Variants in SEH1L observed in about 807,000 individuals in gnomAD.
The protein encoded by SEH1L is SEH1 like nucleoporin.
A neutral mutation model predicts 49.5 loss-of-function variants in SEH1L; 18 were observed. The observed-to-expected ratio is 0.36, with a 90% CI of 0.25 to 0.54. The LOEUF (loss-of-function observed/expected upper bound fraction) is 0.54, where lower values mean the gene tolerates loss of function less well. SEH1L is among the 20% of genes least tolerant of loss of function. The pLI is 0.87. For synonymous variants in SEH1L, 169 were observed against 178.1 expected (o/e 0.95, Z 0.41); for missense variants, 404 against 528.8 (o/e 0.76, Z 2.31).
intron 6 of SEH1L, among the ~76,000 whole-genome samples, chr18:12,981,320 G>A (rs1404898837): frequency 2.6e-5 from 4 of 152,310 alleles, no homozygotes; most frequent in African/African-American, 7.2e-5. Flanking sequence ...GGCAGAGGCT[G>A]CAATCTCGGC....
intron 6 of SEH1L, 63 bp from the exon 7 acceptor site, chr18:12,982,455 G>A (rs1031693288): frequency 1.6e-5 from 18 of 1,137,570 alleles, no homozygotes; most frequent in Non-Finnish European, 2.3e-5. Flanking sequence ...ATATATGTGT[G>A]TGTATATATA....
chr18:12,980,092 C>A (rs1410574504), intron 6 of SEH1L, among the ~76,000 whole-genome samples: 22 of 121,288 alleles, frequency 1.8e-4, no homozygotes, highest in Non-Finnish European at 3.7e-4. Context: ...CTGACCCCCC[C>A]CCACCTCCCT....
intron 3 of SEH1L, among the ~76,000 whole-genome samples, chr18:12,956,444 T>C (rs953034235): frequency 1.8e-5 from 2 of 108,636 alleles, no homozygotes; most frequent in Non-Finnish European, 3.6e-5. Context: ...CCACTGTGTG[T>C]CTGGGGAATC....
chr18:12,960,441 G>T (rs1300054812), intron 3 of SEH1L, among the ~76,000 whole-genome samples: 1 of 152,182 alleles, frequency 6.6e-6, no homozygotes, highest in African/African-American at 2.4e-5. Flanking sequence ...TATATATGGA[G>T]GATTGCATTC....
In SEH1L at chr18:12,981,226, A is replaced by G. The variant is rs1268743358; in HGVS notation, c.762-1292A>G. ...ACGCTCCTCACTTTCCAGACTGGGC[A>G]GCCAGGCAGAGAGGCTCCTCACATC... On this transcript the variant is annotated intron_variant, in intron 6 of 8. Coordinates refer to ENST00000399892, the MANE Select transcript of SEH1L (RefSeq NM_001013437.2). Among the ~76,000 whole-genome samples, 12 of 148,968 alleles carry G rather than the reference A, an allele frequency of 8.1e-5. No homozygotes were observed. In the East Asian group the frequency reaches 2.4e-3, roughly 30 times the overall value.
chr18:12,981,492 A>G (rs2032258272), intron 6 of SEH1L, among the ~76,000 whole-genome samples: 1 of 152,262 alleles, frequency 6.6e-6, no homozygotes, highest in Non-Finnish European at 1.5e-5. Context: ...ACTCGCGGTT[A>G]GGAGCTGGAG....
chr18:12,985,478 G>A (rs1256266801), intron 8 of SEH1L: 16 of 1,267,030 alleles, frequency 1.3e-5, no homozygotes, highest in African/African-American at 4.6e-5. Flanking sequence ...AAATATAAAC[G>A]GAGAGGCTTT....
chr18:12,982,778 G>A, intron 7 of SEH1L, 103 bp downstream of exon 7: 1 of 886,708 alleles, frequency 1.1e-6, no homozygotes, highest in Non-Finnish European at 1.7e-6. Flanking sequence ...GTCTTTTACA[G>A]TTACTTTTAA....
chr18:12,987,313 A>T lies in SEH1L; in HGVS notation c.*256A>T, dbSNP rs1247381237. 3 of 282,184 alleles carry T rather than the reference A, an allele frequency of 1.1e-5. No homozygotes were observed. The allele number at this position is 282,184 out of a possible 1,614,324, so 17.5% of individuals were successfully genotyped here. ...TAACGTTAACTGTGAAGTTACACAC[A>T]GTAGCTGACTTCAAAGTGCCTGTTC... On this transcript the variant is annotated 3_prime_UTR_variant, in exon 9 of 9. Transcript: ENST00000399892.
rs35999381 is a variant in SEH1L, at chr18:12,963,147, ATT to A, written c.310-4_310-3del. ...TTTGTATATAATTTAAATTGTTATT[ATT>A]TTTTTTTTAGGTTAAAAGGACAACT... On this transcript the variant is annotated splice_polypyrimidine_tract_variant and intron_variant, in intron 3 of 8. Coordinates refer to ENST00000399892, the MANE Select transcript of SEH1L (RefSeq NM_001013437.2). 3.0e-4 allele frequency: 435 copies of A among 1,453,088 alleles called. No homozygotes were observed. Among genetic ancestry groups the A allele is most frequent in the East Asian group, 5.2e-4 (21 of 40,320 alleles). The allele number at this position is 1,453,088 out of a possible 1,614,324, so 90.0% of individuals were successfully genotyped here.
intron 7 of SEH1L, among the ~76,000 whole-genome samples, chr18:12,983,415 G>A (rs913246697): frequency 1.3e-5 from 2 of 152,180 alleles, no homozygotes; most frequent in African/African-American, 2.4e-5. Context: ...CCTTTCCTCA[G>A]TGTAATTTGA....
At position 12,982,759 on chromosome 18, in the gene SEH1L, T is replaced by C; in HGVS notation, c.919+84T>C. 5.3e-6 allele frequency: 6 copies of C among 1,126,254 alleles called. No homozygotes were observed. The South Asian group carries it at 8.9e-5, about 17-fold the overall frequency. The allele number at this position is 1,126,254 out of a possible 1,614,324, so 69.8% of individuals were successfully genotyped here. A position where few individuals can be genotyped will look rare whatever the true frequency, so the allele number is the denominator to read the frequency against. ...TAAAATGTAAACTCTGAAATATTTTTTGAAAATGGTCTTTTACAGTTACTT... is the reference window on the plus strand; with the variant it reads ...TAAAATGTAAACTCTGAAATATTTTCTGAAAATGGTCTTTTACAGTTACTT... On this transcript the variant is annotated intron_variant, in intron 7 of 8. Coordinates refer to ENST00000399892, the MANE Select transcript of SEH1L (RefSeq NM_001013437.2).
intron 4 of SEH1L, among the ~76,000 whole-genome samples, chr18:12,970,164 T>G (rs987002372): frequency 5.3e-5 from 8 of 152,148 alleles, no homozygotes; most frequent in Non-Finnish European, 8.8e-5. Flanking sequence ...AGGCTAAAGG[T>G]TAAGCAAGGG....
At chr18:12,972,439 A>C (rs1032377890) in intron 5 of SEH1L, 2 of 152,248 alleles carry the variant, frequency 1.3e-5, no homozygotes, top group African/African-American at 4.8e-5. Context: ...AAGTGTCTGC[A>C]AAGCTTCTGA....
rs573168396 is a variant in SEH1L, at chr18:12,950,017, A to AT, written c.111+1795dup. ...TATTTGGTTTATTTCACTTAGTATA[A>AT]TTTTTTTTTTCTTTTTTCTTTTTCC... On this transcript the variant is annotated intron_variant, in intron 1 of 8. Coordinates refer to ENST00000399892, the MANE Select transcript of SEH1L (RefSeq NM_001013437.2). 2.0e-3 allele frequency among the ~76,000 whole-genome samples: 304 copies of AT among 149,274 alleles called. 2 individuals carry two copies. The highest frequency in any genetic ancestry group is 6.5e-3 in the African/African-American group (262 of 40,578).
chr18:12,981,850 A>ATT (rs554886753), intron 6 of SEH1L, among the ~76,000 whole-genome samples: 4,410 of 88,044 alleles, frequency 0.05, 711 homozygotes, highest in South Asian at 0.085. Context: ...TGCCCTGCCC[A>ATT]TTTTTTTTTT....
At chr18:12,955,731 A>G (rs1196682585) in intron 3 of SEH1L, 122 bp downstream of exon 3, 8 of 993,710 alleles carry the variant, frequency 8.1e-6, no homozygotes, top group Admixed American at 2.8e-5. Context: ...TACCAGTTCT[A>G]AAGTTCTTTC....
chr18:12,985,509 A>G, intron 8 of SEH1L: 1 of 1,226,872 alleles, frequency 8.2e-7, no homozygotes, highest in South Asian at 3.1e-5. Context: ...ATTGTCACCA[A>G]AACAATTTTT....
At chr18:12,956,265 C>T (rs916552287) in intron 3 of SEH1L, among the ~76,000 whole-genome samples, 2 of 151,944 alleles carry the variant, frequency 1.3e-5, no homozygotes, top group East Asian at 1.9e-4. Flanking sequence ...AGGATGGTCT[C>T]GATCTCCTGA....
Sources: gnomAD v4.1 joint callset for allele counts (sites outside exome capture counted in the v4.1 genomes callset) on GRCh38, gnomAD v4.1.1 for gene constraint, MANE v1.5 for transcripts, NCBI Gene and HGNC (gene_info 2026-07-23, HGNC 2026-07-21) for gene names.